The following IQCM variants were observed in gnomAD, a reference collection of about 807,000 sequenced individuals.
IQCM encodes the protein IQ motif containing M.
IQCM carries 45 observed loss-of-function variants against 57.6 expected under a neutral mutation model. The ratio of observed to expected loss-of-function variants is 0.78; its 90% CI spans 0.62 to 1.00. IQCM has a LOEUF of 1.00. Among genes scored for constraint, IQCM ranks in the 50% least tolerant of loss-of-function variants. IQCM has a pLI of 0.00. For missense variants in IQCM, 468 were observed against 511.6 expected (o/e 0.91, Z 0.82); for synonymous variants, 148 against 158.9 (o/e 0.93, Z 0.51).
At chr4:149,517,544 A>T (rs570946751) in intron 12 of IQCM, among the ~76,000 whole-genome samples, 1 of 152,282 alleles carries the variant, frequency 6.6e-6, no homozygotes, top group East Asian at 1.9e-4. Context: ...TATGGGTTCA[A>T]GTTGACAAGG....
intron 13 of IQCM, among the ~76,000 whole-genome samples, chr4:149,366,639 C>T (rs946271354): frequency 2.2e-4 from 33 of 151,736 alleles, no homozygotes; most frequent in African/African-American, 7.0e-4. Context: ...AGTGGAAAGT[C>T]GATTAGCTTA....
At chr4:149,525,875 G>T (rs1007683838) in intron 12 of IQCM, among the ~76,000 whole-genome samples, 19 of 151,484 alleles carry the variant, frequency 1.3e-4, no homozygotes, top group African/African-American at 4.3e-4. Flanking sequence ...TATAAATAGG[G>T]TAAAATGTGC....
At chr4:149,660,889 G>C (rs956270431) in intron 7 of IQCM, among the ~76,000 whole-genome samples, 13 of 151,728 alleles carry the variant, frequency 8.6e-5, no homozygotes, top group Non-Finnish European at 1.5e-4. Flanking sequence ...GCTAAATGAC[G>C]AGTTAATGGG....
chr4:149,696,637 C>T (rs1763361514), intron 5 of IQCM, among the ~76,000 whole-genome samples: 1 of 152,106 alleles, frequency 6.6e-6, no homozygotes, highest in African/African-American at 2.4e-5. Flanking sequence ...ATTAAAGAGA[C>T]ATTTTAATGC....
intron 5 of IQCM, among the ~76,000 whole-genome samples, chr4:149,689,157 C>T (rs1020717764): frequency 6.6e-6 from 1 of 152,006 alleles, no homozygotes; most frequent in Non-Finnish European, 1.5e-5. Context: ...TTGGAACCAA[C>T]CCAAATGCCC....
At chr4:149,547,934 T>C (rs1254696112) in intron 12 of IQCM, among the ~76,000 whole-genome samples, 1 of 152,164 alleles carries the variant, frequency 6.6e-6, no homozygotes, top group Non-Finnish European at 1.5e-5. Flanking sequence ...AGAGAAATCT[T>C]GCTCAATTTA....
chr4:149,692,349 C>A (rs1299913308), intron 5 of IQCM, among the ~76,000 whole-genome samples: 3 of 152,150 alleles, frequency 2.0e-5, no homozygotes, highest in African/African-American at 7.2e-5. Context: ...AAACTAAGAC[C>A]ATCAACAGTA....
intron 7 of IQCM, among the ~76,000 whole-genome samples, chr4:149,662,260 T>C (rs554973153): frequency 1.6e-4 from 24 of 152,172 alleles, no homozygotes; most frequent in Non-Finnish European, 2.8e-4. Flanking sequence ...CTGAAGATTT[T>C]CTTGTTGATT....
At chr4:149,465,287 A>G (rs996685369) in intron 12 of IQCM, among the ~76,000 whole-genome samples, 5 of 152,212 alleles carry the variant, frequency 3.3e-5, no homozygotes, top group African/African-American at 9.6e-5. Flanking sequence ...AGCATAATTT[A>G]TATAAATAAT....
intron 12 of IQCM, among the ~76,000 whole-genome samples, chr4:149,511,267 C>T (rs1744383907): frequency 6.6e-6 from 1 of 151,892 alleles, no homozygotes; most frequent in South Asian, 2.1e-4. Flanking sequence ...GCCTGTAATC[C>T]CAGGACTTTG....
Position 149,368,843 on chromosome 4 carries a change from CAT to C in IQCM, c.1391-16779_1391-16778del, listed in dbSNP as rs1235426319. Among the ~76,000 whole-genome samples the C allele has an allele frequency of 9.2e-3, 536 of 58,018 alleles. 125 individuals carry two copies. Among genetic ancestry groups the C allele is most frequent in the South Asian group, 0.016 (30 of 1,934 alleles). The allele number at this position is 58,018 out of a possible 152,430, so 38.1% of individuals were successfully genotyped here. ...ACATATATATACATGTATATATATA[CAT>C]ATATATACATGTATATATATACATA... On this transcript the variant is annotated intron_variant, in intron 13 of 13. Transcript: ENST00000636793.
At chr4:149,400,325 C>A (rs1732529019) in intron 13 of IQCM, among the ~76,000 whole-genome samples, 1 of 151,288 alleles carries the variant, frequency 6.6e-6, no homozygotes, top group Non-Finnish European at 1.5e-5. Flanking sequence ...AGCTTAAAAA[C>A]AAAGCCTTAA....
rs75532948 is a variant in IQCM at position 149,798,106 on chromosome 4, C to G, written c.-49+17205G>C. 6.7e-3 allele frequency among the ~76,000 whole-genome samples: 1,025 copies of G among 151,874 alleles called. 13 individuals carry two copies. The highest frequency in any genetic ancestry group is 0.023 in the African/African-American group (972 of 41,440). Reference sequence around the variant, plus strand: ...CATAAGTAGAAAAACTAGTAATGAACCAATCAAAAATAATAACTACAACAA... The same window carrying G: ...CATAAGTAGAAAAACTAGTAATGAAGCAATCAAAAATAATAACTACAACAA... On this transcript the variant is annotated intron_variant, in intron 2 of 13. Coordinates refer to ENST00000636793, the MANE Select transcript of IQCM (RefSeq NM_001363507.2).
intron 13 of IQCM, among the ~76,000 whole-genome samples, chr4:149,411,079 T>C (rs1560813540): frequency 1.3e-5 from 2 of 152,236 alleles, no homozygotes; most frequent in South Asian, 4.1e-4. Flanking sequence ...CAATGGTCTT[T>C]TCAAAAAAAC....
intron 12 of IQCM, among the ~76,000 whole-genome samples, chr4:149,491,277 T>G (rs1742065469): frequency 6.6e-6 from 1 of 152,126 alleles, no homozygotes; most frequent in Non-Finnish European, 1.5e-5. Context: ...CCCCACATAC[T>G]TATTTCTGTG....
intron 2 of IQCM, among the ~76,000 whole-genome samples, chr4:149,757,404 T>C (rs1047081642): frequency 2.0e-5 from 3 of 151,926 alleles, no homozygotes; most frequent in Admixed American, 6.6e-5. Flanking sequence ...ATAGAGATTA[T>C]CAAATAATAC....
At chr4:149,766,970 C>T (rs970940066) in intron 2 of IQCM, among the ~76,000 whole-genome samples, 1 of 151,834 alleles carries the variant, frequency 6.6e-6, no homozygotes, top group Non-Finnish European at 1.5e-5. Context: ...TTACTTAGGG[C>T]TAACTGAAAT....
intron 12 of IQCM, among the ~76,000 whole-genome samples, chr4:149,527,807 C>T (rs1746308909): frequency 6.6e-6 from 1 of 151,982 alleles, no homozygotes; most frequent in Non-Finnish European, 1.5e-5. Flanking sequence ...TAAACACAGC[C>T]ATGCAGCAAT....
chr4:149,746,524 A>G (rs1767949711), intron 2 of IQCM, among the ~76,000 whole-genome samples: 1 of 152,006 alleles, frequency 6.6e-6, no homozygotes, highest in Non-Finnish European at 1.5e-5. Flanking sequence ...TTTCCCTTCC[A>G]TGGTTTCTGA....
Sources: allele counts gnomAD v4.1 joint callset (sites outside exome capture counted in the v4.1 genomes callset), GRCh38; gene constraint gnomAD v4.1.1; transcripts MANE v1.5; gene names NCBI Gene and HGNC (gene_info 2026-07-23, HGNC 2026-07-21).